KCND2: variants seen among roughly 807,000 people sequenced by gnomAD.
KCND2 encodes the protein potassium voltage-gated channel subfamily D member 2, also known as A-type voltage-gated potassium channel KCND2.
In KCND2, 16 loss-of-function variants were observed where a neutral mutation model predicts 54.4. The observed-to-expected ratio is 0.29, with a 90% CI of 0.20 to 0.45. The LOEUF (loss-of-function observed/expected upper bound fraction) is 0.45, where lower values mean the gene tolerates loss of function less well. KCND2 is among the 20% of genes least tolerant of loss of function. The pLI, the probability that KCND2 is intolerant of heterozygous loss-of-function variation, is 1.00. For synonymous variants in KCND2, 317 were observed against 310.7 expected (o/e 1.02, Z -0.21); for missense variants, 486 against 824.2 (o/e 0.59, Z 5.02).
intron 1 of KCND2, among the ~76,000 whole-genome samples, chr7:120,444,059 A>G (rs1319327522): frequency 1.3e-5 from 2 of 151,966 alleles, no homozygotes; most frequent in Non-Finnish European, 2.9e-5. Flanking sequence ...ACCCTTATCC[A>G]TGATGCATTA....
intron 3 of KCND2, 70 bp from the exon 4 acceptor site, chr7:120,742,440 A>G: frequency 8.2e-7 from 1 of 1,220,554 alleles, no homozygotes; most frequent in Non-Finnish European, 1.2e-6. Context: ...TCTCTGTGGA[A>G]ATATGTAGCC....
chr7:120,533,717 A>G (rs561950989), intron 1 of KCND2, among the ~76,000 whole-genome samples: 1 of 152,164 alleles, frequency 6.6e-6, no homozygotes, highest in African/African-American at 2.4e-5. Context: ...TCTGTACATG[A>G]TGCCCTCCGT....
chr7:120,408,927 G>A (rs137906780), intron 1 of KCND2, among the ~76,000 whole-genome samples: 15 of 151,858 alleles, frequency 9.9e-5, no homozygotes, highest in Non-Finnish European at 1.8e-4. Context: ...ATACCTTAAG[G>A]AGAAAAAGGT....
chr7:120,649,196 T>C (rs752980509), intron 1 of KCND2, among the ~76,000 whole-genome samples: 1 of 152,106 alleles, frequency 6.6e-6, no homozygotes, highest in Non-Finnish European at 1.5e-5. Flanking sequence ...AATCAAGATA[T>C]TTTGTCTTGT....
At chr7:120,618,231 T>C (rs1314811297) in intron 1 of KCND2, among the ~76,000 whole-genome samples, 1 of 152,136 alleles carries the variant, frequency 6.6e-6, no homozygotes, top group Non-Finnish European at 1.5e-5. Context: ...AGAATCCAAA[T>C]AAGTGAAATG....
At chr7:120,321,066 T>G (rs1487557673) in intron 1 of KCND2, among the ~76,000 whole-genome samples, 1 of 152,150 alleles carries the variant, frequency 6.6e-6, no homozygotes, top group Admixed American at 6.6e-5. Context: ...AACCTTTTTT[T>G]CCTGTATGTA....
chr7:120,390,876 CAG>C (rs1456609519), intron 1 of KCND2, among the ~76,000 whole-genome samples: 3 of 152,012 alleles, frequency 2.0e-5, no homozygotes, highest in East Asian at 1.9e-4. Context: ...TTATGGCAAA[CAG>C]AAAGTTTTTT....
chr7:120,331,451 C>T (rs1285937658), intron 1 of KCND2, among the ~76,000 whole-genome samples: 1 of 151,356 alleles, frequency 6.6e-6, no homozygotes, highest in East Asian at 1.9e-4. Flanking sequence ...TTATTTTATC[C>T]TTATCCTGGG....
intron 1 of KCND2, among the ~76,000 whole-genome samples, chr7:120,324,977 G>C (rs1799953247): frequency 8.1e-6 from 1 of 123,796 alleles, no homozygotes; most frequent in Non-Finnish European, 1.7e-5. Flanking sequence ...TTATTTCCTT[G>C]AGCAGTGGTT....
At chr7:120,527,214 G>A (rs1394649601) in intron 1 of KCND2, among the ~76,000 whole-genome samples, 2 of 151,992 alleles carry the variant, frequency 1.3e-5, no homozygotes, top group Non-Finnish European at 2.9e-5. Context: ...GTGAACTGGG[G>A]GAAATTAAAT....
chr7:120,584,770 GCA>G (rs376799993), intron 1 of KCND2, among the ~76,000 whole-genome samples: 35 of 152,124 alleles, frequency 2.3e-4, no homozygotes, highest in African/African-American at 6.7e-4. Context: ...GCATGCGCGT[GCA>G]CACACACACA....
chr7:120,398,185 A>G (rs1043227994), intron 1 of KCND2, among the ~76,000 whole-genome samples: 1 of 151,164 alleles, frequency 6.6e-6, no homozygotes, highest in African/African-American at 2.4e-5. Context: ...ACACACATAT[A>G]TATATATTTA....
chr7:120,273,092 G>C (rs559455352), upstream of KCND2, among the ~76,000 whole-genome samples: 26 of 152,170 alleles, frequency 1.7e-4, no homozygotes, highest in African/African-American at 6.0e-4. Flanking sequence ...GGGGTTGGTG[G>C]GTGGCTGGGG....
chr7:120,565,644 G>C (rs10243095), intron 1 of KCND2, among the ~76,000 whole-genome samples: 8,712 of 152,232 alleles, frequency 0.057, 729 homozygotes, highest in African/African-American at 0.19. Context: ...TGGACACAGA[G>C]ATTCCATGGT....
chr7:120,724,849 A>G (rs1459419357), intron 1 of KCND2, among the ~76,000 whole-genome samples: 1 of 152,172 alleles, frequency 6.6e-6, no homozygotes, highest in Non-Finnish European at 1.5e-5. Context: ...TTCTTTAAAA[A>G]TCATAATTTT....
intron 1 of KCND2, among the ~76,000 whole-genome samples, chr7:120,277,808 G>C (rs962729557): frequency 1.3e-5 from 2 of 151,830 alleles, no homozygotes; most frequent in Admixed American, 6.6e-5. Flanking sequence ...ATACTTAAAA[G>C]CACCCATTTT....
intron 1 of KCND2, among the ~76,000 whole-genome samples, chr7:120,505,254 TAGA>T (rs1802996294): frequency 6.6e-6 from 1 of 151,608 alleles, no homozygotes; most frequent in South Asian, 2.1e-4. Flanking sequence ...ACCTTCTAAA[TAGA>T]AGATGAGTCC....
intron 1 of KCND2, among the ~76,000 whole-genome samples, chr7:120,512,398 A>C (rs975000866): frequency 3.3e-5 from 5 of 151,782 alleles, no homozygotes; most frequent in African/African-American, 4.8e-5. Context: ...AGGTTTTTTA[A>C]TTTTTTTGTT....
At chr7:120,579,641 T>TAAATAAATA (rs1792489337) in intron 1 of KCND2, among the ~76,000 whole-genome samples, 4 of 120,114 alleles carry the variant, frequency 3.3e-5, no homozygotes, top group Admixed American at 2.4e-4. Context: ...AATAAATAAA[T>TAAATAAATA]AAATAAAATA....
Sources: allele counts gnomAD v4.1 joint callset (sites outside exome capture counted in the v4.1 genomes callset), GRCh38; gene constraint gnomAD v4.1.1; transcripts MANE v1.5; gene names NCBI Gene and HGNC (gene_info 2026-07-23, HGNC 2026-07-21).